Variants in SMYD3 observed in about 807,000 individuals in gnomAD.
SMYD3 encodes the protein histone-lysine N-methyltransferase SMYD3.
A neutral mutation model predicts 57.7 loss-of-function variants in SMYD3; 36 were observed. The observed-to-expected ratio is 0.62, with a 90% CI of 0.48 to 0.82. The LOEUF is 0.82. Among genes scored for constraint, SMYD3 ranks in the 40% least tolerant of loss-of-function variants. The pLI is 0.00. For missense variants in SMYD3, 515 were observed against 538.8 expected (o/e 0.96, Z 0.44); for synonymous variants, 211 against 195.0 (o/e 1.08, Z -0.68).
intron 10 of SMYD3, among the ~76,000 whole-genome samples, chr1:245,790,483 G>A (rs1243190267): frequency 6.6e-6 from 1 of 152,202 alleles, no homozygotes; most frequent in African/African-American, 2.4e-5. Flanking sequence ...AGCTTTTCGA[G>A]GGCAGCATCT....
rs140750828 is a variant in SMYD3 at position 246,236,282 on chromosome 1, A to G, written c.531+90919T>C. Among the ~76,000 whole-genome samples the G allele has an allele frequency of 6.8e-3, 1,033 of 152,296 alleles. 16 individuals are homozygous for G. The highest frequency in any genetic ancestry group is 0.023 in the African/African-American group (942 of 41,572). ...GTCTCACAATGTTGCCGAGGCTGGC[A>G]TGCCGTGGCGCAATAATAGCTCACT... On this transcript the variant is annotated intron_variant, in intron 5 of 11. Transcript: ENST00000490107.
At chr1:246,443,991 C>T (rs1159468675) in intron 1 of SMYD3, among the ~76,000 whole-genome samples, 2 of 152,146 alleles carry the variant, frequency 1.3e-5, no homozygotes, top group Admixed American at 6.5e-5. Flanking sequence ...AGACAGACAA[C>T]AATCAACTTG....
intron 8 of SMYD3, among the ~76,000 whole-genome samples, chr1:245,914,861 A>G (rs2055285122): frequency 6.6e-6 from 1 of 152,180 alleles, no homozygotes; most frequent in South Asian, 2.1e-4. Flanking sequence ...ATCCCAAAAT[A>G]TGTGCAATTA....
chr1:246,221,842 G>A (rs1190901121), intron 5 of SMYD3, among the ~76,000 whole-genome samples: 2 of 152,158 alleles, frequency 1.3e-5, no homozygotes, highest in African/African-American at 4.8e-5. Flanking sequence ...AGGGCGAGTG[G>A]GTGGAACAAG....
intron 8 of SMYD3, among the ~76,000 whole-genome samples, chr1:245,873,471 G>A (rs909957587): frequency 6.6e-6 from 1 of 152,152 alleles, no homozygotes; most frequent in African/African-American, 2.4e-5. Context: ...AGATTTTACA[G>A]GAAAATTGTT....
intron 5 of SMYD3, among the ~76,000 whole-genome samples, chr1:246,007,122 G>A (rs751201059): frequency 3.5e-4 from 54 of 152,322 alleles, no homozygotes; most frequent in Non-Finnish European, 6.5e-4. Flanking sequence ...CTGGAGAAGC[G>A]GCCACGACTG....
At chr1:246,034,846 A>G (rs2059742061) in intron 5 of SMYD3, among the ~76,000 whole-genome samples, 1 of 152,146 alleles carries the variant, frequency 6.6e-6, no homozygotes, top group Non-Finnish European at 1.5e-5. Flanking sequence ...CCTTTCCCAG[A>G]GTTCTCCATC....
In SMYD3 at chr1:245,813,427, A is replaced by G. The variant is rs565693899; in HGVS notation, c.1076+45069T>C. Among the ~76,000 whole-genome samples, 6 of 152,340 alleles carry G rather than the reference A, an allele frequency of 3.9e-5. No homozygotes were observed. In the South Asian group the frequency reaches 1.2e-3, roughly 32 times the overall value. ...TGCAAGCACAGCAGCTGGCCTGAAG[A>G]TAAGAGTTAAATGAATCCAGCCCCC... On this transcript the variant is annotated intron_variant, in intron 10 of 11. Transcript: ENST00000490107.
chr1:246,233,387 A>C (rs535213300), intron 5 of SMYD3, among the ~76,000 whole-genome samples: 1 of 122,624 alleles, frequency 8.2e-6, no homozygotes, highest in South Asian at 3.6e-4. Context: ...ACAGAGGAGA[A>C]GCACTCCCCA....
At chr1:246,138,550 C>T (rs1014162069) in intron 5 of SMYD3, among the ~76,000 whole-genome samples, 1 of 101,340 alleles carries the variant, frequency 9.9e-6, no homozygotes, top group African/African-American at 2.6e-5. Flanking sequence ...CTCAGCCTCC[C>T]GAGTAGCTGG....
At chr1:246,238,814 C>T (rs2063552966) in intron 5 of SMYD3, among the ~76,000 whole-genome samples, 1 of 151,150 alleles carries the variant, frequency 6.6e-6, no homozygotes, top group African/African-American at 2.4e-5. Flanking sequence ...ATTTGAGTAT[C>T]TTTCTATCAC....
Position 245,963,639 on chromosome 1 carries a change from C to T in SMYD3, c.532-33702G>A, listed in dbSNP as rs114371055. Among the ~76,000 whole-genome samples the T allele has an allele frequency of 3.1e-3, 471 of 151,946 alleles. 1 individual carries two copies. Among genetic ancestry groups the T allele is most frequent in the African/African-American group, 0.011 (461 of 41,426 alleles). ...GAGGAAAAGGACCATTTTGAAAAAA[C>T]ACCAGAGATCAGCACCATAGGAAAA... is the stretch of plus-strand genomic sequence containing the variant. On this transcript the variant is annotated intron_variant, in intron 5 of 11. Coordinates refer to ENST00000490107, the MANE Select transcript of SMYD3 (RefSeq NM_001167740.2).
intron 1 of SMYD3, among the ~76,000 whole-genome samples, chr1:246,448,728 A>AAAG: frequency 6.7e-6 from 1 of 148,330 alleles, no homozygotes; most frequent in South Asian, 2.1e-4. Context: ...AAAAAAAAAA[A>AAAG]GGACAAAATG....
intron 1 of SMYD3, among the ~76,000 whole-genome samples, chr1:246,440,739 A>G (rs560259275): frequency 8.5e-5 from 13 of 152,308 alleles, no homozygotes; most frequent in Admixed American, 4.6e-4. Flanking sequence ...TAATTAAAAC[A>G]ACCAGCAGCA....
At chr1:245,793,085 T>TG (rs777550697) in intron 10 of SMYD3, among the ~76,000 whole-genome samples, 2,389 of 146,414 alleles carry the variant, frequency 0.016, 70 homozygotes, top group African/African-American at 0.054. Context: ...CCGAGGCGGG[T>TG]GATCACGAAA....
At chr1:245,759,129 C>A (rs2045729545) in intron 11 of SMYD3, among the ~76,000 whole-genome samples, 1 of 152,058 alleles carries the variant, frequency 6.6e-6, no homozygotes, top group Non-Finnish European at 1.5e-5. Flanking sequence ...GCATTTTATC[C>A]ATTATTTTCT....
At chr1:246,130,202 C>T (rs577731054) in intron 5 of SMYD3, among the ~76,000 whole-genome samples, 1 of 152,234 alleles carries the variant, frequency 6.6e-6, no homozygotes, top group Non-Finnish European at 1.5e-5. Context: ...CCTTGAGAGG[C>T]TACAATTTAG....
chr1:245,958,385 C>G (rs1199975111), intron 5 of SMYD3, among the ~76,000 whole-genome samples: 1 of 152,170 alleles, frequency 6.6e-6, no homozygotes. Flanking sequence ...TCACCGGCCA[C>G]AAATCTCCCT....
chr1:246,000,815 G>T (rs1418630633), intron 5 of SMYD3, among the ~76,000 whole-genome samples: 2 of 152,216 alleles, frequency 1.3e-5, no homozygotes, highest in African/African-American at 2.4e-5. Flanking sequence ...GACAGAGAAC[G>T]TATCTAACAG....
Sources: allele counts gnomAD v4.1 joint callset (sites outside exome capture counted in the v4.1 genomes callset), GRCh38; gene constraint gnomAD v4.1.1; transcripts MANE v1.5; gene names NCBI Gene and HGNC (gene_info 2026-07-23, HGNC 2026-07-21).